PDSS2: variants seen among roughly 807,000 people sequenced by gnomAD.
PDSS2 encodes the protein decaprenyl diphosphate synthase subunit 2, also known as all trans-polyprenyl-diphosphate synthase PDSS2.
In PDSS2, 31 loss-of-function variants were observed where a neutral mutation model predicts 44.5. That is an observed-to-expected ratio of 0.70 (90% CI 0.52 to 0.94). The LOEUF is 0.94. PDSS2 is among the 40% of genes least tolerant of loss of function. The pLI is 0.00. For missense variants in PDSS2, 452 were observed against 482.2 expected (o/e 0.94, Z 0.59); for synonymous variants, 157 against 180.3 (o/e 0.87, Z 1.03).
chr6:107,329,143 T>C (rs1274523463), intron 2 of PDSS2, among the ~76,000 whole-genome samples: 1 of 152,238 alleles, frequency 6.6e-6, no homozygotes, highest in Non-Finnish European at 1.5e-5. Flanking sequence ...TACAGTAACA[T>C]GACCCCTTTT....
chr6:107,202,574 T>C (rs988267316), intron 6 of PDSS2, among the ~76,000 whole-genome samples: 18 of 152,168 alleles, frequency 1.2e-4, no homozygotes, highest in East Asian at 3.9e-4. Context: ...GCTGGAAAGA[T>C]AGCAGAATAT....
intron 4 of PDSS2, among the ~76,000 whole-genome samples, chr6:107,220,235 CAAT>C (rs998550611): frequency 1.6e-4 from 24 of 151,848 alleles, no homozygotes; most frequent in African/African-American, 5.8e-4. Flanking sequence ...AAATATACCT[CAAT>C]AAAGCTGTTA....
intron 1 of PDSS2, among the ~76,000 whole-genome samples, chr6:107,422,448 CAA>C (rs1025613086): frequency 2.0e-5 from 3 of 151,726 alleles, no homozygotes; most frequent in Non-Finnish European, 2.9e-5. Context: ...CTCTTAATCC[CAA>C]AAAGTCAATA....
At chr6:107,219,115 A>C (rs1304803861) in intron 4 of PDSS2, among the ~76,000 whole-genome samples, 1 of 152,086 alleles carries the variant, frequency 6.6e-6, no homozygotes, top group Non-Finnish European at 1.5e-5. Flanking sequence ...TCTACTGCTC[A>C]TAGAATCAAG....
At chr6:107,225,147 A>ATATATATT (rs1562389099) in intron 4 of PDSS2, among the ~76,000 whole-genome samples, 7 of 53,894 alleles carry the variant, frequency 1.3e-4, no homozygotes, top group African/African-American at 5.9e-4. Context: ...TTATATATAT[A>ATATATATT]TATATATATA....
chr6:107,290,057 C>T (rs1776293049), intron 2 of PDSS2, among the ~76,000 whole-genome samples: 1 of 152,186 alleles, frequency 6.6e-6, no homozygotes, highest in Non-Finnish European at 1.5e-5. Flanking sequence ...TGTGAGGCAC[C>T]ATGCCTGGTC....
At chr6:107,435,480 A>G (rs1781323221) in intron 1 of PDSS2, among the ~76,000 whole-genome samples, 1 of 152,104 alleles carries the variant, frequency 6.6e-6, no homozygotes, top group Non-Finnish European at 1.5e-5. Context: ...AAATGCTTTT[A>G]GCAAAAGCTT....
At position 107,212,114 on chromosome 6, in the gene PDSS2, G is replaced by C; in HGVS notation, c.871C>G (p.His291Asp). ...FQYGKHMAMS[H>D]KINSDVQPFI... ...ATAAAGGGTGTGCAAAGTACCTTATGACTCATGGCCATGTGCTTCCCATAC... is the reference window on the plus strand; with the variant it reads ...ATAAAGGGTGTGCAAAGTACCTTATCACTCATGGCCATGTGCTTCCCATAC... Residue 291 changes from histidine (H) to aspartate (D), a missense_variant, in exon 5 of 8, where the codon CAT (histidine) becomes GAT (aspartate). Physicochemically the swap from His to Asp is moderately conservative, Grantham distance 81. Transcript: ENST00000369037. 6.2e-7 allele frequency: 1 copy of C among 1,613,358 alleles called. No homozygotes were observed. The highest frequency in any genetic ancestry group is 8.5e-7 in the Non-Finnish European group (1 of 1,179,348).
Position 107,396,683 on chromosome 6 carries a change from T to TC in PDSS2, c.296+62306_296+62307insG, listed in dbSNP as rs1462303366. Among the ~76,000 whole-genome samples the TC allele has an allele frequency of 3.2e-3, 447 of 140,986 alleles. 2 individuals carry two copies. Among genetic ancestry groups the TC allele is most frequent in the African/African-American group, 0.011 (429 of 37,464 alleles). 92.5% of individuals were successfully genotyped at this position (140,986 alleles called of 152,430 possible). A position where few individuals can be genotyped will look rare whatever the true frequency, so the allele number is the denominator to read the frequency against. On this transcript the variant is annotated intron_variant, in intron 1 of 7. Coordinates refer to ENST00000369037, the MANE Select transcript of PDSS2 (RefSeq NM_020381.4). ...TTTTTTTCCTCTTCTTTTTTCTTTTTTTTTTTTTTTTTTTTTTGAGACAGG... is the reference window on the plus strand; with the variant it reads ...TTTTTTTCCTCTTCTTTTTTCTTTTTCTTTTTTTTTTTTTTTTTGAGACAGG...
chr6:107,202,431 T>C (rs1283055508), intron 6 of PDSS2, among the ~76,000 whole-genome samples: 1 of 150,906 alleles, frequency 6.6e-6, no homozygotes, highest in Non-Finnish European at 1.5e-5. Flanking sequence ...CAGTGTGTAG[T>C]GTATGGGGAT....
intron 7 of PDSS2, among the ~76,000 whole-genome samples, chr6:107,155,934 G>C (rs1212737497): frequency 7.4e-6 from 1 of 134,784 alleles, no homozygotes; most frequent in African/African-American, 2.9e-5. Flanking sequence ...CTGTCATCCA[G>C]GCTGGAGTGC....
rs1370867094 is a variant in PDSS2 at position 107,294,039 on chromosome 6, T to C, written c.432-19812A>G. Reference sequence around the variant, plus strand: ...GGTTAGGAAAAATGTGAAGGCTGCATGCTAAATGGGGCACAGTAAGCACTG... The same window carrying C: ...GGTTAGGAAAAATGTGAAGGCTGCACGCTAAATGGGGCACAGTAAGCACTG... On this transcript the variant is annotated intron_variant, in intron 2 of 7. Transcript: ENST00000369037. Among the ~76,000 whole-genome samples the C allele has an allele frequency of 3.9e-5, 6 of 152,124 alleles. No homozygotes were observed. The East Asian group carries it at 9.7e-4, about 24-fold the overall frequency.
chr6:107,337,039 C>CCA (rs71861456), intron 1 of PDSS2, among the ~76,000 whole-genome samples: 4,883 of 141,458 alleles, frequency 0.035, 221 homozygotes, highest in African/African-American at 0.11. Flanking sequence ...CTTTCACATA[C>CCA]CACACACACA....
At chr6:107,178,747 G>A (rs1052959431) in intron 7 of PDSS2, among the ~76,000 whole-genome samples, 4 of 152,204 alleles carry the variant, frequency 2.6e-5, no homozygotes, top group Non-Finnish European at 4.4e-5. Flanking sequence ...GCTGCTGGGC[G>A]AAGTGGCTCA....
intron 7 of PDSS2, among the ~76,000 whole-genome samples, chr6:107,164,041 G>T (rs1024758957): frequency 6.6e-6 from 1 of 151,936 alleles, no homozygotes; most frequent in African/African-American, 2.4e-5. Flanking sequence ...GAGTCTATCA[G>T]GACTGAAAAA....
intron 7 of PDSS2, among the ~76,000 whole-genome samples, chr6:107,187,481 A>C (rs1262284113): frequency 6.6e-6 from 1 of 152,102 alleles, no homozygotes; most frequent in Non-Finnish European, 1.5e-5. Context: ...CCTGACCAAC[A>C]TGGAGAAACC....
At chr6:107,209,463 A>G (rs1160054469) in intron 6 of PDSS2, among the ~76,000 whole-genome samples, 6 of 152,010 alleles carry the variant, frequency 3.9e-5, no homozygotes, top group Non-Finnish European at 8.8e-5. Flanking sequence ...TACTTGGTGA[A>G]TATGAGGAAT....
rs148925842 is a variant in PDSS2 at position 107,210,506 on chromosome 6, T to G, written c.941A>C (p.Asn314Thr). 1.2e-6 allele frequency: 2 copies of G among 1,605,086 alleles called. No homozygotes were observed. Among genetic ancestry groups the G allele is most frequent in the Non-Finnish European group, 1.7e-6 (2 of 1,171,938 alleles). Residue 314 changes from asparagine to threonine, a missense_variant, in exon 6 of 8, where the codon AAC becomes ACC. Physicochemically the swap from Asn to Thr is moderately conservative, Grantham distance 65. Transcript: ENST00000369037. The stretch of plus-strand genomic sequence containing the variant: ...CTGATGTAAGACTACAGGAGCTGAG[T>G]TTAGATTAAAAGTCATGGAGTCACT... The part of the protein sequence containing the change: ...KTSDSMTFNL[N>T]SAPVVLHQEF...
intron 7 of PDSS2, among the ~76,000 whole-genome samples, chr6:107,159,945 G>A (rs1582712033): frequency 2.6e-5 from 4 of 152,210 alleles, no homozygotes; most frequent in South Asian, 4.1e-4. Flanking sequence ...GCTGGGTGCG[G>A]TGGCTCACTC....
Sources: allele counts gnomAD v4.1 joint callset (sites outside exome capture counted in the v4.1 genomes callset), GRCh38; gene constraint gnomAD v4.1.1; transcripts MANE v1.5; gene names NCBI Gene and HGNC (gene_info 2026-07-23, HGNC 2026-07-21).